NRDC: variants seen among roughly 807,000 people sequenced by gnomAD.
NRDC encodes nardilysin.
NRDC carries 54 observed loss-of-function variants against 147.1 expected under a neutral mutation model. That is an observed-to-expected ratio of 0.37 (90% CI 0.29 to 0.46). The LOEUF is 0.46. Among genes scored for constraint, NRDC ranks in the 20% least tolerant of loss-of-function variants. The pLI, the probability that NRDC is intolerant of heterozygous loss-of-function variation, is 1.00. For missense variants in NRDC, 1,082 were observed against 1,370.6 expected (o/e 0.79, Z 3.33); for synonymous variants, 440 against 482.1 (o/e 0.91, Z 1.14).
chr1:51,821,489 A>G lies in NRDC; in HGVS notation c.1217+9T>C, dbSNP rs1274744515. 3.2e-6 allele frequency: 5 copies of G among 1,568,142 alleles called. No individual in the cohort carries two copies. Among genetic ancestry groups the G allele is most frequent in the Admixed American group, 1.7e-5 (1 of 59,868 alleles). On this transcript the variant is annotated intron_variant, in intron 8 of 30. Coordinates refer to ENST00000352171, the MANE Select transcript of NRDC (RefSeq NM_001101662.2). ...GAAGGTGTATGATGTATGAAAATAAATATCTTACTTGTTTGGTATCTGAGA... is the reference window on the plus strand; with the variant it reads ...GAAGGTGTATGATGTATGAAAATAAGTATCTTACTTGTTTGGTATCTGAGA...
At chr1:51,799,588 G>T (rs1679092538) in intron 21 of NRDC, among the ~76,000 whole-genome samples, 9 of 152,192 alleles carry the variant, frequency 5.9e-5, no homozygotes, top group Admixed American at 5.9e-4. Flanking sequence ...AAACTGTCAA[G>T]TAGGGGCTAG....
intron 1 of NRDC, among the ~76,000 whole-genome samples, chr1:51,863,827 T>C (rs1473149516): frequency 6.6e-6 from 1 of 152,236 alleles, no homozygotes; most frequent in South Asian, 2.1e-4. Context: ...ATATGCTCAA[T>C]TAAAGTCATA....
chr1:51,867,350 G>C (rs12732052), intron 1 of NRDC, among the ~76,000 whole-genome samples: 175 of 152,202 alleles, frequency 1.1e-3, no homozygotes, highest in Admixed American at 2.7e-3. Context: ...AAACATTCCA[G>C]TGCAAGAGAA....
chr1:51,802,210 T>A (rs1476104964), intron 20 of NRDC, among the ~76,000 whole-genome samples: 1 of 152,178 alleles, frequency 6.6e-6, no homozygotes, highest in Non-Finnish European at 1.5e-5. Context: ...TTGACTTGTG[T>A]TGTGGTGACT....
intron 2 of NRDC, chr1:51,837,511 T>A: frequency 6.3e-7 from 1 of 1,591,978 alleles, no homozygotes; most frequent in Non-Finnish European, 8.6e-7. Flanking sequence ...AACTACCCCA[T>A]AAAGATTTCT....
intron 1 of NRDC, among the ~76,000 whole-genome samples, chr1:51,852,095 G>A (rs900805233): frequency 3.3e-5 from 5 of 152,140 alleles, no homozygotes; most frequent in Admixed American, 6.5e-5. Flanking sequence ...AGGCTCTAGA[G>A]AATATGGCCA....
intron 1 of NRDC, among the ~76,000 whole-genome samples, chr1:51,850,006 C>T (rs1418634501): frequency 6.6e-6 from 1 of 151,938 alleles, no homozygotes; most frequent in Non-Finnish European, 1.5e-5. Context: ...TGGCGAAACC[C>T]TTCGCTACTA....
intron 13 of NRDC, 113 bp downstream of exon 13, chr1:51,814,438 C>G: frequency 2.1e-6 from 2 of 959,214 alleles, no homozygotes; most frequent in Non-Finnish European, 3.2e-6. Flanking sequence ...GGAAATAGAG[C>G]AGAAAATGCC....
intron 1 of NRDC, among the ~76,000 whole-genome samples, chr1:51,861,213 G>A (rs186384923): frequency 1.4e-5 from 2 of 146,356 alleles, no homozygotes; most frequent in East Asian, 4.3e-4. Flanking sequence ...GCCTTCCAAA[G>A]TATGAGGATT....
At chr1:51,851,161 A>G (rs1681927055) in intron 1 of NRDC, among the ~76,000 whole-genome samples, 1 of 152,088 alleles carries the variant, frequency 6.6e-6, no homozygotes, top group African/African-American at 2.4e-5. Context: ...CATTAGAAAT[A>G]AATCACCTGA....
At chr1:51,791,055 G>T (rs377546033) in intron 27 of NRDC, 65 bp from the exon 28 acceptor site, 2 of 1,148,380 alleles carry the variant, frequency 1.7e-6, no homozygotes, top group East Asian at 2.4e-5. Context: ...TCAGAAACCC[G>T]ATCTCAGGCA....
intron 24 of NRDC, among the ~76,000 whole-genome samples, chr1:51,793,691 A>G (rs1214159177): frequency 6.6e-6 from 1 of 152,252 alleles, no homozygotes; most frequent in African/African-American, 2.4e-5. Flanking sequence ...AAGCCCAGTC[A>G]GGGATCTTCA....
intron 22 of NRDC, among the ~76,000 whole-genome samples, chr1:51,796,609 G>A (rs1415764634): frequency 7.7e-5 from 10 of 129,412 alleles, no homozygotes; most frequent in Non-Finnish European, 1.1e-4. Context: ...TTTTTTAGAC[G>A]AGGAGTCTCA....
intron 1 of NRDC, among the ~76,000 whole-genome samples, chr1:51,858,476 A>AG (rs1428633170): frequency 1.3e-5 from 2 of 152,092 alleles, no homozygotes; most frequent in African/African-American, 4.8e-5. Flanking sequence ...GTCTTTAAAA[A>AG]AAAAAAAAAA....
chr1:51,859,950 C>T, intron 1 of NRDC: 1 of 181,544 alleles, frequency 5.5e-6, no homozygotes, highest in South Asian at 1.3e-4. Flanking sequence ...GACTATGGTG[C>T]CTACTCCCAT....
At chr1:51,845,729 A>C (rs1334825349) in intron 1 of NRDC, among the ~76,000 whole-genome samples, 1 of 152,198 alleles carries the variant, frequency 6.6e-6, no homozygotes, top group East Asian at 1.9e-4. Context: ...ATTTATCATT[A>C]CTTGATTTTA....
At chr1:51,797,341 A>G (rs1237735314) in intron 22 of NRDC, among the ~76,000 whole-genome samples, 1 of 152,162 alleles carries the variant, frequency 6.6e-6, no homozygotes, top group African/African-American at 2.4e-5. Context: ...CTTCTCCCCA[A>G]CTACTGGAAA....
chr1:51,869,149 T>C (rs1159563705), intron 1 of NRDC, among the ~76,000 whole-genome samples: 3 of 152,012 alleles, frequency 2.0e-5, no homozygotes, highest in Non-Finnish European at 4.4e-5. Flanking sequence ...AGGGTCTTGT[T>C]TTGTTACCCA....
chr1:51,861,848 G>A (rs1040335198), intron 1 of NRDC, among the ~76,000 whole-genome samples: 5 of 152,012 alleles, frequency 3.3e-5, no homozygotes, highest in Admixed American at 2.0e-4. Flanking sequence ...CCACACACAC[G>A]CACACATTTA....
Sources: gnomAD v4.1 joint callset for allele counts (sites outside exome capture counted in the v4.1 genomes callset) on GRCh38, gnomAD v4.1.1 for gene constraint, MANE v1.5 for transcripts, NCBI Gene and HGNC (gene_info 2026-07-23, HGNC 2026-07-21) for gene names.